TMEM132D: variants seen among roughly 807,000 people sequenced by gnomAD.
TMEM132D encodes the protein mature OL transmembrane protein.
A neutral mutation model predicts 62.3 loss-of-function variants in TMEM132D; 21 were observed. The ratio of observed to expected loss-of-function variants is 0.34; its 90% confidence interval spans 0.24 to 0.49. TMEM132D has a LOEUF of 0.49. TMEM132D is among the 20% of genes least tolerant of loss of function. TMEM132D has a pLI of 0.99. For synonymous variants in TMEM132D, 621 were observed against 575.6 expected, an observed-to-expected ratio of 1.08 and a Z score of -1.13; for missense variants, 1,346 against 1,402.8, an observed-to-expected ratio of 0.96 and a Z score of 0.65.
At chr12:129,115,424 G>C (rs1476110480) in intron 5 of TMEM132D, among the ~76,000 whole-genome samples, 1 of 152,144 alleles carries the variant, frequency 6.6e-6, no homozygotes, top group African/African-American at 2.4e-5. Flanking sequence ...GGGTCTAGGG[G>C]AACTAGAAGG....
intron 2 of TMEM132D, among the ~76,000 whole-genome samples, chr12:129,547,389 C>T (rs992420229): frequency 1.2e-4 from 18 of 152,122 alleles, no homozygotes; most frequent in African/African-American, 4.3e-4. Context: ...CAAGAGTGAG[C>T]CACGGTGCCT....
At chr12:129,397,133 G>T (rs2135697942) in intron 3 of TMEM132D, among the ~76,000 whole-genome samples, 1 of 152,202 alleles carries the variant, frequency 6.6e-6, no homozygotes, top group Non-Finnish European at 1.5e-5. Flanking sequence ...TGTTTTTCTG[G>T]TTCAAAGATG....
At chr12:129,851,434 T>C (rs1873537577) in intron 1 of TMEM132D, among the ~76,000 whole-genome samples, 1 of 152,138 alleles carries the variant, frequency 6.6e-6, no homozygotes, top group African/African-American at 2.4e-5. Context: ...GCCACAATGT[T>C]GATTAAATTG....
intron 5 of TMEM132D, among the ~76,000 whole-genome samples, chr12:129,177,965 C>T (rs1244713197): frequency 2.6e-5 from 4 of 152,140 alleles, no homozygotes; most frequent in Admixed American, 6.5e-5. Context: ...TTGTTCCCCT[C>T]CCTGTGTCCA....
intron 2 of TMEM132D, among the ~76,000 whole-genome samples, chr12:129,659,538 AGTT>A (rs1308724377): frequency 2.6e-5 from 4 of 152,190 alleles, no homozygotes; most frequent in Non-Finnish European, 5.9e-5. Context: ...CAGTTTGAAA[AGTT>A]GTTATTTTGT....
intron 5 of TMEM132D, 82 bp downstream of exon 5, chr12:129,209,438 C>T: frequency 6.4e-7 from 1 of 1,560,922 alleles, no homozygotes; most frequent in South Asian, 1.2e-5. Context: ...TCCCAGAGGT[C>T]CCAGAGGTCC....
intron 4 of TMEM132D, among the ~76,000 whole-genome samples, chr12:129,217,061 C>T (rs921253228): frequency 1.3e-5 from 2 of 152,018 alleles, no homozygotes; most frequent in East Asian, 3.9e-4. Flanking sequence ...AGATCACTTG[C>T]CATTTTAATA....
chr12:129,210,616 T>C (rs1209206989), intron 4 of TMEM132D, among the ~76,000 whole-genome samples: 1 of 152,192 alleles, frequency 6.6e-6, no homozygotes, highest in East Asian at 1.9e-4. Flanking sequence ...ACAGTTGCTG[T>C]TTTACTTTTA....
Position 129,434,713 on chromosome 12 carries a change from T to G in TMEM132D, c.1115+96346A>C, listed in dbSNP as rs537101558. Among the ~76,000 whole-genome samples the G allele has an allele frequency of 2.0e-5, 3 of 152,238 alleles. No individual in the cohort carries two copies. In the South Asian group the frequency reaches 6.2e-4, roughly 32 times the overall value. ...TTGCACATATTTATGGGGTACAATA[T>G]GCTGTTTGGATACATGCATACTTTG... On this transcript the variant is annotated intron_variant, in intron 3 of 8. Coordinates refer to ENST00000422113, the MANE Select transcript of TMEM132D (RefSeq NM_133448.3).
At chr12:129,759,090 T>C (rs940053144) in intron 1 of TMEM132D, among the ~76,000 whole-genome samples, 1 of 152,070 alleles carries the variant, frequency 6.6e-6, no homozygotes, top group Non-Finnish European at 1.5e-5. Context: ...TGCATCATCA[T>C]GCCTGGCTAA....
intron 3 of TMEM132D, among the ~76,000 whole-genome samples, chr12:129,502,295 G>A (rs1448487348): frequency 2.6e-5 from 4 of 152,076 alleles, no homozygotes; most frequent in Non-Finnish European, 4.4e-5. Flanking sequence ...CACGGCGCCC[G>A]GCCTTCTGTG....
intron 5 of TMEM132D, among the ~76,000 whole-genome samples, chr12:129,119,190 T>A: frequency 6.6e-6 from 1 of 152,254 alleles, no homozygotes; most frequent in East Asian, 1.9e-4. Context: ...CTTTTTAAAA[T>A]CTTTTTATAG....
intron 2 of TMEM132D, among the ~76,000 whole-genome samples, chr12:129,603,835 C>G (rs1878545616): frequency 6.6e-6 from 1 of 152,090 alleles, no homozygotes; most frequent in African/African-American, 2.4e-5. Flanking sequence ...ACCCAAAGGA[C>G]TATAAATCAT....
chr12:129,439,472 C>T (rs184369227), intron 3 of TMEM132D, among the ~76,000 whole-genome samples: 12 of 151,954 alleles, frequency 7.9e-5, no homozygotes, highest in East Asian at 2.0e-4. Context: ...GAGACGGAGA[C>T]GGAATCTCAC....
chr12:129,277,944 G>A lies in TMEM132D; in HGVS notation c.1299+59690C>T, dbSNP rs115308214. 3.4e-4 allele frequency among the ~76,000 whole-genome samples: 52 copies of A among 152,198 alleles called. No individual in the cohort carries two copies. The highest frequency in any genetic ancestry group is 1.1e-3 in the African/African-American group (44 of 41,550). On this transcript the variant is annotated intron_variant, in intron 4 of 8. Transcript: ENST00000422113. This position sits in a 1 kb window ranked among gnomAD's most constrained non-coding sequence, Gnocchi z 4.2. ...GTCCTAAATGACCACCAGTCTTCTG[G>A]TTGCCCACCTTTCTTTTGCAGTGAG...
In TMEM132D at chr12:129,498,664, A is replaced by G. The variant is rs201275985; in HGVS notation, c.1115+32395T>C. Among the ~76,000 whole-genome samples, 10 of 152,360 alleles carry G rather than the reference A, an allele frequency of 6.6e-5. No individual in the cohort carries two copies. In the East Asian group the frequency reaches 1.7e-3, roughly 26 times the overall value. ...AGTTTTGGATAGATGCGTCAAATCC[A>G]AATACACTTTGGGGCAAATGAAATA... On this transcript the variant is annotated intron_variant, in intron 3 of 8. Transcript: ENST00000422113.
intron 1 of TMEM132D, among the ~76,000 whole-genome samples, chr12:129,766,773 C>A (rs1223221298): frequency 1.3e-5 from 2 of 152,164 alleles, no homozygotes; most frequent in African/African-American, 2.4e-5. Flanking sequence ...CTAGCCCAGG[C>A]CCCTCTGTGT....
chr12:129,579,125 C>A (rs1877768352), intron 2 of TMEM132D, among the ~76,000 whole-genome samples: 1 of 152,156 alleles, frequency 6.6e-6, no homozygotes, highest in Non-Finnish European at 1.5e-5. Context: ...ATATTAAAAA[C>A]AATTTTCCAA....
intron 2 of TMEM132D, among the ~76,000 whole-genome samples, chr12:129,655,163 G>A (rs1167887359): frequency 1.3e-5 from 2 of 151,238 alleles, no homozygotes; most frequent in Non-Finnish European, 2.9e-5. Context: ...TGGCCAGGAG[G>A]CTCCCGATCT....
Sources: allele counts gnomAD v4.1 joint callset (sites outside exome capture counted in the v4.1 genomes callset), GRCh38; gene constraint gnomAD v4.1.1; non-coding constraint Gnocchi (gnomAD v3.1); transcripts MANE v1.5; gene names NCBI Gene and HGNC (gene_info 2026-07-23, HGNC 2026-07-21).